The following ADCY3 variants were observed in gnomAD, a reference collection of about 807,000 sequenced individuals.
ADCY3 encodes the protein adenylate cyclase 3.
A neutral mutation model predicts 119.4 loss-of-function variants in ADCY3; 70 were observed. The observed-to-expected ratio is 0.59, with a 90% CI of 0.48 to 0.72. The LOEUF is 0.72. Among genes scored for constraint, ADCY3 ranks in the 30% least tolerant of loss-of-function variants. The pLI is 0.00. For missense variants in ADCY3, 1,238 were observed against 1,541.6 expected (o/e 0.80, Z 3.30); for synonymous variants, 672 against 621.4 (o/e 1.08, Z -1.21).
At chr2:24,846,653 A>T (rs1459858062) in intron 3 of ADCY3, among the ~76,000 whole-genome samples, 1 of 149,414 alleles carries the variant, frequency 6.7e-6, no homozygotes, top group Non-Finnish European at 1.5e-5. Context: ...ATCTCAGCTC[A>T]CTGCAACCTC....
chr2:24,876,654 C>A (rs1232629428), intron 2 of ADCY3, among the ~76,000 whole-genome samples: 1 of 152,122 alleles, frequency 6.6e-6, no homozygotes, highest in African/African-American at 2.4e-5. Context: ...CAGGGCCAGG[C>A]AGGTGTGGCC....
chr2:24,918,595 C>G lies in ADCY3; in HGVS notation c.393G>C (p.Pro131=), dbSNP rs1052294218. The G allele has an allele frequency of 3.0e-5, 48 of 1,614,004 alleles. No individual in the cohort carries two copies. The highest frequency in any genetic ancestry group is 3.7e-5 in the Non-Finnish European group (44 of 1,180,030). ...LFVLCKKGLL[P]DRVTRRVLPY... ...GCAGCACTCTGCGGGTGACCCGGTC[C>G]GGGAGCAGCCCCTTTTTGCAGAGCA... Residue 131 remains proline, a synonymous_variant, in exon 2 of 22, where the codon CCG becomes CCC. Coordinates refer to ENST00000679454, the MANE Select transcript of ADCY3 (RefSeq NM_004036.5). The surrounding 1 kb of genome is among the most constrained non-coding windows in gnomAD (Gnocchi z 5.4).
chr2:24,876,430 A>G (rs1675722844), intron 2 of ADCY3, among the ~76,000 whole-genome samples: 1 of 152,178 alleles, frequency 6.6e-6, no homozygotes, highest in African/African-American at 2.4e-5. Flanking sequence ...GGCCATTATC[A>G]TTTCCACAGC....
intron 2 of ADCY3, among the ~76,000 whole-genome samples, chr2:24,874,168 C>T (rs1426100425): frequency 6.6e-6 from 1 of 152,162 alleles, no homozygotes; most frequent in Non-Finnish European, 1.5e-5. Flanking sequence ...AATGTTCCTG[C>T]AGCCTCTGTG....
chr2:24,833,182 G>T (rs1012094564), intron 11 of ADCY3, among the ~76,000 whole-genome samples: 6 of 152,210 alleles, frequency 3.9e-5, no homozygotes, highest in African/African-American at 1.4e-4. Flanking sequence ...CACAACAGGG[G>T]ACTCCTCTGC....
chr2:24,893,796 T>C (rs1368716193), intron 2 of ADCY3, among the ~76,000 whole-genome samples: 2 of 151,036 alleles, frequency 1.3e-5, no homozygotes, highest in African/African-American at 4.9e-5. Flanking sequence ...TTTGTAGAGA[T>C]AGGTTTTCAC....
chr2:24,824,519 C>G lies in ADCY3; in HGVS notation c.2595G>C (p.Arg865=), dbSNP rs751596841. The G allele has an allele frequency of 3.0e-5, 48 of 1,614,034 alleles. No individual in the cohort carries two copies. The highest frequency in any genetic ancestry group is 3.7e-5 in the Non-Finnish European group (44 of 1,180,012). The change falls in exon 17 of 22, where the codon CGG becomes CGC. Residue 865 remains arginine, a synonymous_variant. Coordinates refer to ENST00000679454, the MANE Select transcript of ADCY3 (RefSeq NM_004036.5). ...CCTCAATCTTCCACAAGAAAAGTGT[C>G]CGTGCCAGTTTTTCTACCTACAGAC... The part of the protein sequence containing the change: ...YFSRHVEKLA[R]TLFLWKIEVH...
chr2:24,895,745 C>T (rs1678192671), intron 2 of ADCY3, among the ~76,000 whole-genome samples: 1 of 152,050 alleles, frequency 6.6e-6, no homozygotes, highest in East Asian at 1.9e-4. Flanking sequence ...CCCGTCTCAG[C>T]CTCCTGAGTA....
At chr2:24,865,359 C>T (rs556175575) in intron 3 of ADCY3, among the ~76,000 whole-genome samples, 5 of 152,152 alleles carry the variant, frequency 3.3e-5, no homozygotes, top group East Asian at 1.9e-4. Flanking sequence ...GTAGGAGAAT[C>T]GCTTAAACCC....
At chr2:24,910,617 C>T (rs997539961) in intron 2 of ADCY3, among the ~76,000 whole-genome samples, 9 of 151,900 alleles carry the variant, frequency 5.9e-5, no homozygotes, top group African/African-American at 1.7e-4. Context: ...TACTACACTA[C>T]ACTTTATGCT....
In ADCY3 at chr2:24,872,166, C is replaced by T. The variant is rs1447138444; in HGVS notation, c.825+404G>A. Among the ~76,000 whole-genome samples the T allele has an allele frequency of 1.3e-5, 2 of 152,134 alleles. No homozygotes were observed. The highest frequency in any genetic ancestry group is 6.5e-5 in the Admixed American group (1 of 15,270). On this transcript the variant is annotated intron_variant, in intron 3 of 21. Transcript: ENST00000679454. This position sits in a 1 kb window ranked among gnomAD's most constrained non-coding sequence, Gnocchi z 4.4. ...GGACCAGCAAGAGTGGTGGTGGAGG[C>T]GTGACGTGAAGGAATGCCCGTGATG...
rs1377722709 is a variant in ADCY3, at chr2:24,842,260, T to G, written c.950A>C (p.Asn317Thr). ...FNTMYMYRHE[N>T]VSILFADIVG... The stretch of plus-strand genomic sequence containing the variant: ...GCGCCCCGGGCCGGCGTACCTGACG[T>G]TCTCGTGACGGTACATGTACATGGT... The change falls in exon 4 of 22, where the codon AAC becomes ACC. Residue 317 changes from asparagine (N) to threonine (T), a missense_variant. Physicochemically the swap from Asn to Thr is moderately conservative, Grantham distance 65 (BLOSUM62 0). This residue lies in a region of ADCY3 where 283 missense variants were observed against 437.2 expected (regional missense o/e 0.65). Transcript: ENST00000679454. This position sits in a 1 kb window ranked among gnomAD's most constrained non-coding sequence, Gnocchi z 4.9. 1 of 1,613,958 alleles carries G rather than the reference T, an allele frequency of 6.2e-7. No individual in the cohort carries two copies. The highest frequency in any genetic ancestry group is 8.5e-7 in the Non-Finnish European group (1 of 1,180,012).
chr2:24,901,692 C>A (rs2148994009), intron 2 of ADCY3, among the ~76,000 whole-genome samples: 2 of 151,786 alleles, frequency 1.3e-5, no homozygotes, highest in African/African-American at 2.4e-5. Context: ...CACCGGTGGT[C>A]CTAGCTACTC....
At chr2:24,911,690 A>AT (rs143585984) in intron 2 of ADCY3, among the ~76,000 whole-genome samples, 35 of 148,398 alleles carry the variant, frequency 2.4e-4, no homozygotes, top group African/African-American at 7.3e-4. Context: ...GCCCAGCTGA[A>AT]TTTTTTTTGG....
chr2:24,843,174 G>A (rs1671251316), intron 3 of ADCY3, among the ~76,000 whole-genome samples: 1 of 152,226 alleles, frequency 6.6e-6, no homozygotes, highest in Non-Finnish European at 1.5e-5. Flanking sequence ...TGGCTTGAGA[G>A]CTGGGCATGG....
At chr2:24,863,233 G>A (rs1203172822) in intron 3 of ADCY3, among the ~76,000 whole-genome samples, 1 of 152,142 alleles carries the variant, frequency 6.6e-6, no homozygotes, top group Admixed American at 6.5e-5. Context: ...GGGAAAGGCA[G>A]ACCCACCCTA....
intron 3 of ADCY3, among the ~76,000 whole-genome samples, chr2:24,845,269 G>A (rs1232700930): frequency 1.3e-5 from 2 of 152,226 alleles, no homozygotes; most frequent in African/African-American, 4.8e-5. Flanking sequence ...GAACAGTTTG[G>A]AGGGCTCAGA....
chr2:24,843,939 GA>G (rs1236393844), intron 3 of ADCY3, among the ~76,000 whole-genome samples: 1 of 152,266 alleles, frequency 6.6e-6, no homozygotes, highest in African/African-American at 2.4e-5. Flanking sequence ...GGAGGAGGGT[GA>G]TGATGGCGTC....
intron 2 of ADCY3, among the ~76,000 whole-genome samples, chr2:24,879,410 G>A (rs758429084): frequency 1.3e-4 from 18 of 139,100 alleles, no homozygotes; most frequent in African/African-American, 2.5e-4. Context: ...CCGAGATTGC[G>A]CCACTGCACT....
Sources: allele counts gnomAD v4.1 joint callset (sites outside exome capture counted in the v4.1 genomes callset), GRCh38; gene constraint gnomAD v4.1.1; regional missense constraint gnomAD v4.1.1; non-coding constraint Gnocchi (gnomAD v3.1); transcripts MANE v1.5; gene names NCBI Gene and HGNC (gene_info 2026-07-23, HGNC 2026-07-21).